SERPINA11: variants seen among roughly 807,000 people sequenced by gnomAD.
SERPINA11 encodes serpin A11.
SERPINA11 carries 28 observed loss-of-function variants against 29.4 expected under a neutral mutation model. The observed-to-expected ratio is 0.95, with a 90% CI of 0.70 to 1.30. SERPINA11 has a LOEUF of 1.30. SERPINA11 is among the 50% of genes most tolerant of loss of function. The pLI is 0.00. For synonymous variants in SERPINA11, 253 were observed against 206.6 expected (o/e 1.22, Z -1.92); for missense variants, 530 against 507.3 (o/e 1.04, Z -0.43).
chr14:94,448,103 G>T, intron 2 of SERPINA11, 29 bp downstream of exon 2: 1 of 1,598,770 alleles, frequency 6.3e-7, no homozygotes, highest in South Asian at 1.1e-5. Context: ...CAGAGGCAGT[G>T]GCAATAATTC....
intron 3 of SERPINA11, among the ~76,000 whole-genome samples, chr14:94,445,207 A>G (rs935485598): frequency 6.6e-6 from 1 of 152,180 alleles, no homozygotes; most frequent in African/African-American, 2.4e-5. Context: ...CAACACATGA[A>G]AACTGCCCAG....
rs1034469211 is a variant in SERPINA11 at position 94,442,752 on chromosome 14, A to T, written c.1123T>A (p.Ser375Thr). Residue 375 changes from serine to threonine, a missense_variant, in exon 5 of 5, where the codon TCA becomes ACA. Coordinates refer to ENST00000334708, the MANE Select transcript of SERPINA11 (RefSeq NM_001080451.2). ...SEKGTEAGAA[S>T]GLLSQPPSLN... Reference sequence around the variant, plus strand: ...GATGGGGGCTGGGAGAGGAGGCCTGAAGCAGCCCCGGCCTCGGTCCCCTTC... The same window carrying T: ...GATGGGGGCTGGGAGAGGAGGCCTGTAGCAGCCCCGGCCTCGGTCCCCTTC... The T allele has an allele frequency of 2.8e-5, 45 of 1,613,380 alleles. No homozygotes were observed. Among genetic ancestry groups the T allele is most frequent in the Non-Finnish European group, 3.7e-5 (44 of 1,179,872 alleles).
chr14:94,442,658 G>C lies in SERPINA11; in HGVS notation c.1217C>G (p.Thr406Ser), dbSNP rs17752285. ...RPFLLLLWEV[T>S]TQSLLFLGKV... ...TCCCAGGAAGAGTAAGCTCTGGGTGGTGACCTCCCAAAGGAGCAAGAGGAA... is the reference window on the plus strand; with the variant it reads ...TCCCAGGAAGAGTAAGCTCTGGGTGCTGACCTCCCAAAGGAGCAAGAGGAA... The change falls in exon 5 of 5, where the codon ACC (threonine) becomes AGC (serine). Residue 406 changes from threonine to serine, a missense_variant. Coordinates refer to ENST00000334708, the MANE Select transcript of SERPINA11 (RefSeq NM_001080451.2). 6.1e-3 allele frequency: 9,876 copies of C among 1,612,650 alleles called. 368 individuals are homozygous for C. In the African/African-American group the frequency reaches 0.097, roughly 16 times the overall value.
Position 94,446,585 on chromosome 14 carries a change from G to A in SERPINA11, c.663C>T (p.Phe221=). ...IFFKAKWKHP[F]SRYQTQKQES... ...CCTGCTTCTGGGTCTGGTAGCGACT[G>A]AAAGGGTGCTTCCACTTGGCTTAGG... Residue 221 remains phenylalanine, a synonymous_variant, in exon 3 of 5, where the codon TTC becomes TTT. Transcript: ENST00000334708. 1.2e-6 allele frequency: 2 copies of A among 1,613,890 alleles called. No individual in the cohort carries two copies. The highest frequency in any genetic ancestry group is 1.7e-6 in the Non-Finnish European group (2 of 1,179,922).
intron 1 of SERPINA11, among the ~76,000 whole-genome samples, chr14:94,451,552 G>C (rs1160356094): frequency 6.6e-6 from 1 of 152,192 alleles, no homozygotes; most frequent in Non-Finnish European, 1.5e-5. Flanking sequence ...ATTGAACTCA[G>C]CACCATTTTC....
At position 94,445,386 on chromosome 14, in the gene SERPINA11, G is replaced by C. The variant is rs578129940; in HGVS notation, c.917+945C>G. Among the ~76,000 whole-genome samples the C allele has an allele frequency of 3.3e-5, 5 of 152,254 alleles. No individual in the cohort carries two copies. In the South Asian group the frequency reaches 1.0e-3, roughly 32 times the overall value. On this transcript the variant is annotated intron_variant, in intron 3 of 4. Coordinates refer to ENST00000334708, the MANE Select transcript of SERPINA11 (RefSeq NM_001080451.2). ...AAGAAGGTATTAGCTGGTGAAGGGG[G>C]TCTAGGGAAACTAGAAAAAGCTGAA...
chr14:94,444,019 G>A (rs558564624), intron 3 of SERPINA11, among the ~76,000 whole-genome samples: 1 of 152,242 alleles, frequency 6.6e-6, no homozygotes, highest in East Asian at 1.9e-4. Context: ...TCAGAAAATC[G>A]AATTCAGGTT....
At chr14:94,447,603 G>A (rs1898470777) in intron 2 of SERPINA11, among the ~76,000 whole-genome samples, 1 of 152,194 alleles carries the variant, frequency 6.6e-6, no homozygotes, top group South Asian at 2.1e-4. Flanking sequence ...CCTGAATAAA[G>A]CTGGGAGCCC....
At position 94,448,764 on chromosome 14, in the gene SERPINA11, G is replaced by T. The variant is rs982190032; in HGVS notation, c.11C>A (p.Ala4Asp). The T allele has an allele frequency of 6.6e-7, 1 of 1,510,444 alleles. No individual in the cohort carries two copies. The highest frequency in any genetic ancestry group is 1.4e-5 in the South Asian group (1 of 72,402). The allele number at this position is 1,510,444 out of a possible 1,614,324, so 93.6% of individuals were successfully genotyped here. A position where few individuals can be genotyped will look rare whatever the true frequency, so the allele number is the denominator to read the frequency against. The change falls in exon 2 of 5, where the codon GCT (alanine) becomes GAT (aspartate). Residue 4 changes from alanine to aspartate, a missense_variant. Ala to Asp is a moderately radical substitution (Grantham distance 126, BLOSUM62 -2). Coordinates refer to ENST00000334708, the MANE Select transcript of SERPINA11 (RefSeq NM_001080451.2). MGP[A>D]WLWLLGTGIL... ...CCCTGTTCCCAGTAGCCAAAGCCAA[G>T]CTGGACCCATTCTCTGAAAACAAGA...
In SERPINA11 at chr14:94,444,631, A is replaced by G. The variant is rs544074368; in HGVS notation, c.918-1406T>C. Among the ~76,000 whole-genome samples the G allele has an allele frequency of 3.2e-4, 49 of 152,278 alleles. 1 individual carries two copies. The highest frequency in any genetic ancestry group is 1.2e-3 in the African/African-American group (49 of 41,564). Reference sequence around the variant, plus strand: ...GCCGTGGAGCTTCATGGACAACAGGAATAATCTCTTAAATCCTGGCCTCTC... The same window carrying G: ...GCCGTGGAGCTTCATGGACAACAGGGATAATCTCTTAAATCCTGGCCTCTC... On this transcript the variant is annotated intron_variant, in intron 3 of 4. Transcript: ENST00000334708.
At chr14:94,449,439 T>TTCTG in intron 1 of SERPINA11, among the ~76,000 whole-genome samples, 1 of 107,248 alleles carries the variant, frequency 9.3e-6, no homozygotes, top group African/African-American at 5.4e-5. Flanking sequence ...CTTTCTTTCT[T>TTCTG]TCTTTCTTTC....
At chr14:94,452,224 T>G (rs1322344651) in intron 1 of SERPINA11, among the ~76,000 whole-genome samples, 1 of 152,142 alleles carries the variant, frequency 6.6e-6, no homozygotes, top group Non-Finnish European at 1.5e-5. Context: ...AATTTAATCC[T>G]TATGAGAACC....
rs1566784569 is a variant in SERPINA11 at position 94,449,404 on chromosome 14, CTATTCTTTCTTTCTT to C, written c.-3-642_-3-628del. On this transcript the variant is annotated intron_variant, in intron 1 of 4. Coordinates refer to ENST00000334708, the MANE Select transcript of SERPINA11 (RefSeq NM_001080451.2). ...AGCCTCCCTCCCTCTTTCTTTCTTTCTATTCTTTCTTTCTTTCTTTCTTTCTTTCTTTCTTTCTTT... is the reference window on the plus strand; with the variant it reads ...AGCCTCCCTCCCTCTTTCTTTCTTTCTCTTTCTTTCTTTCTTTCTTTCTTT... Among the ~76,000 whole-genome samples, 99 of 31,578 alleles carry C rather than the reference CTATTCTTTCTTTCTT, an allele frequency of 3.1e-3. 5 individuals carry two copies. The highest frequency in any genetic ancestry group is 9.4e-3 in the African/African-American group (91 of 9,636). 20.7% of individuals were successfully genotyped at this position (31,578 alleles called of 152,430 possible).
chr14:94,447,223 G>A (rs1271308287), intron 2 of SERPINA11, among the ~76,000 whole-genome samples: 15 of 152,172 alleles, frequency 9.9e-5, no homozygotes, highest in Admixed American at 9.8e-4. Context: ...AGTTAGAAAC[G>A]CAGAATTTTG....
At chr14:94,447,763 GT>G (rs35100186) in intron 2 of SERPINA11, among the ~76,000 whole-genome samples, 47,429 of 152,098 alleles carry the variant, frequency 0.31, 8,920 homozygotes, top group Non-Finnish European at 0.41. Flanking sequence ...AGATATGCTA[GT>G]TTTTTTCAAC....
intron 1 of SERPINA11, among the ~76,000 whole-genome samples, chr14:94,450,600 T>G (rs1278012440): frequency 6.6e-6 from 1 of 152,178 alleles, no homozygotes; most frequent in Non-Finnish European, 1.5e-5. Context: ...GAACTGTGAG[T>G]CAAAAATTTC....
At chr14:94,449,040 C>G (rs534067081) in intron 1 of SERPINA11, among the ~76,000 whole-genome samples, 81 of 152,270 alleles carry the variant, frequency 5.3e-4, no homozygotes, top group African/African-American at 1.9e-3. Context: ...AAAACAATAG[C>G]AATAACAACA....
intron 1 of SERPINA11, among the ~76,000 whole-genome samples, chr14:94,451,617 G>A (rs904798926): frequency 5.3e-5 from 8 of 152,186 alleles, no homozygotes; most frequent in Admixed American, 2.6e-4. Context: ...TTTCCCAAAG[G>A]GGATTCAATT....
Position 94,442,649 on chromosome 14 carries a change from C to G in SERPINA11, c.1226G>C (p.Ser409Thr). Residue 409 changes from serine to threonine, a missense_variant, in exon 5 of 5, where the codon AGC becomes ACC. Coordinates refer to ENST00000334708, the MANE Select transcript of SERPINA11 (RefSeq NM_001080451.2). ...LLLLWEVTTQ[S>T]LLFLGKVVNP... ...GACAACTTTTCCCAGGAAGAGTAAGCTCTGGGTGGTGACCTCCCAAAGGAG... is the reference window on the plus strand; with the variant it reads ...GACAACTTTTCCCAGGAAGAGTAAGGTCTGGGTGGTGACCTCCCAAAGGAG... 1 of 1,612,362 alleles carries G rather than the reference C, an allele frequency of 6.2e-7. No individual in the cohort carries two copies. The highest frequency in any genetic ancestry group is 8.5e-7 in the Non-Finnish European group (1 of 1,179,294).
Sources: allele counts gnomAD v4.1 joint callset (sites outside exome capture counted in the v4.1 genomes callset), GRCh38; gene constraint gnomAD v4.1.1; transcripts MANE v1.5; gene names NCBI Gene and HGNC (gene_info 2026-07-23, HGNC 2026-07-21).